The following PCM1 variants were observed in gnomAD, a reference collection of about 807,000 sequenced individuals.
The protein encoded by PCM1 is pericentriolar material 1, also known as pericentriolar material 1 protein.
A neutral mutation model predicts 241.9 loss-of-function variants in PCM1; 157 were observed. The observed-to-expected ratio is 0.65, with a 90% CI of 0.57 to 0.74. PCM1 has a LOEUF of 0.74. Among genes scored for constraint, PCM1 ranks in the 30% least tolerant of loss-of-function variants. PCM1 has a pLI of 0.00. For missense variants in PCM1, 3,478 were observed against 2,360.1 expected, an observed-to-expected ratio of 1.47 and a Z score of -9.81; for synonymous variants, 1,085 against 784.9, an observed-to-expected ratio of 1.38 and a Z score of -6.39.
At chr8:17,933,276 G>C (rs1405871700) in intron 2 of PCM1, among the ~76,000 whole-genome samples, 1 of 152,128 alleles carries the variant, frequency 6.6e-6, no homozygotes, top group African/African-American at 2.4e-5. Flanking sequence ...TTGTTCCTGA[G>C]CTAGTACTGA....
intron 28 of PCM1, among the ~76,000 whole-genome samples, chr8:17,992,933 TG>T (rs1374022547): frequency 5.5e-5 from 7 of 126,732 alleles, no homozygotes; most frequent in African/African-American, 1.9e-4. Flanking sequence ...CACTTTTTGA[TG>T]GTTTTTTTTT....
intron 18 of PCM1, 44 bp from the exon 19 acceptor site, chr8:17,965,955 A>G: frequency 2.7e-6 from 4 of 1,456,182 alleles, no homozygotes; most frequent in Non-Finnish European, 3.7e-6. Flanking sequence ...TTTAAAAACC[A>G]AATTATTATG....
At chr8:17,988,632 C>T (rs948527689) in intron 26 of PCM1, among the ~76,000 whole-genome samples, 1 of 151,842 alleles carries the variant, frequency 6.6e-6, no homozygotes, top group Non-Finnish European at 1.5e-5. Context: ...TGACAACTGT[C>T]TGATATATAG....
In PCM1 at chr8:17,938,823, C is replaced by A. The variant is rs760064216; in HGVS notation, c.426C>A (p.Asn142Lys). The A allele has an allele frequency of 6.2e-7, 1 of 1,613,504 alleles. No individual in the cohort carries two copies. The highest frequency in any genetic ancestry group is 8.5e-7 in the Non-Finnish European group (1 of 1,179,418). Residue 142 changes from asparagine to lysine, a missense_variant, in exon 5 of 39, where the codon AAC becomes AAA. Coordinates refer to ENST00000325083, the MANE Select transcript of PCM1 (RefSeq NM_006197.4). ...RQLSENRKPF[N>K]FLPMQINTNK... ...TTAGTGAAAACCGAAAGCCCTTCAA[C>A]TTTTTGCCTATGCAGATTAATACTA... is the stretch of plus-strand genomic sequence containing the variant.
intron 1 of PCM1, among the ~76,000 whole-genome samples, chr8:17,923,939 C>G (rs139424776): frequency 9.5e-4 from 144 of 152,000 alleles, no homozygotes; most frequent in African/African-American, 3.4e-3. Flanking sequence ...AGGCTGGGCG[C>G]GCCAACTTTG....
intron 6 of PCM1, among the ~76,000 whole-genome samples, chr8:17,946,579 C>T (rs573736509): frequency 2.3e-4 from 35 of 152,118 alleles, no homozygotes; most frequent in African/African-American, 7.7e-4. Flanking sequence ...TCACTGCAAT[C>T]TCTACCTCCT....
At chr8:17,940,129 G>C (rs2061589074) in intron 6 of PCM1, 1 of 1,563,512 alleles carries the variant, frequency 6.4e-7, no homozygotes, top group African/African-American at 1.3e-5. Flanking sequence ...GCTAAACATA[G>C]ATGTGCAGTC....
At chr8:18,021,867 G>A (rs907897187) in intron 36 of PCM1, among the ~76,000 whole-genome samples, 1 of 152,148 alleles carries the variant, frequency 6.6e-6, no homozygotes, top group African/African-American at 2.4e-5. Context: ...TGTATCACCT[G>A]TATTTGTTAG....
intron 32 of PCM1, 37 bp from the exon 33 acceptor site, chr8:18,011,200 T>G: frequency 1.3e-6 from 2 of 1,508,712 alleles, no homozygotes; most frequent in South Asian, 1.3e-5. Flanking sequence ...ACACATGTAC[T>G]TTAAGGAATT....
Position 17,972,344 on chromosome 8 carries a change from T to G in PCM1, c.3600T>G (p.Pro1200=), listed in dbSNP as rs369424436. Residue 1200 remains proline, a synonymous_variant, in exon 23 of 39, where the codon CCT becomes CCG. Coordinates refer to ENST00000325083, the MANE Select transcript of PCM1 (RefSeq NM_006197.4). ...CATTGGTAAGGAATAAAAAACTGCC[T>G]GAAGAGGAGGTGGAAAGCAGTAGGA... ...GAEKPRNKKL[P]EEEVESSRTP... The G allele has an allele frequency of 4.3e-5, 65 of 1,506,872 alleles. No individual in the cohort carries two copies. The highest frequency in any genetic ancestry group is 5.6e-5 in the Non-Finnish European group (63 of 1,128,384). 93.3% of individuals were successfully genotyped at this position (1,506,872 alleles called of 1,614,324 possible). A position where few individuals can be genotyped will look rare whatever the true frequency, so the allele number is the denominator to read the frequency against.
At position 17,986,013 on chromosome 8, in the gene PCM1, T is replaced by G. The variant is rs776344416; in HGVS notation, c.4336T>G (p.Ser1446Ala). 6 of 1,596,698 alleles carry G rather than the reference T, an allele frequency of 3.8e-6. No individual in the cohort carries two copies. The highest frequency in any genetic ancestry group is 5.1e-6 in the Non-Finnish European group (6 of 1,167,270). The change falls in exon 26 of 39, where the codon TCA becomes GCA. Residue 1446 changes from serine (S) to alanine (A), a missense_variant. Coordinates refer to ENST00000325083, the MANE Select transcript of PCM1 (RefSeq NM_006197.4). ...ESHEKGENVK[S>A]VNSGTWIASN... ...CCATGAAAAAGGAGAAAATGTAAAG[T>G]CAGTAAACTCTGGTACTTGGATAGC... is the stretch of plus-strand genomic sequence containing the variant.
intron 36 of PCM1, 105 bp from the exon 37 acceptor site, chr8:18,025,256 A>T (rs771162109): frequency 1.5e-6 from 1 of 666,268 alleles, no homozygotes. Context: ...AATGTAGAAG[A>T]AAACGAAATG....
chr8:17,965,650 G>T (rs1339295412), intron 18 of PCM1, among the ~76,000 whole-genome samples: 3 of 152,224 alleles, frequency 2.0e-5, no homozygotes, highest in African/African-American at 7.2e-5. Context: ...AGATGGTGAA[G>T]TAGATACAGT....
At position 17,937,308 on chromosome 8, in the gene PCM1, C is replaced by G; in HGVS notation, c.271C>G (p.Gln91Glu). The change falls in exon 4 of 39, where the codon CAG (glutamine) becomes GAG (glutamate). Residue 91 changes from glutamine to glutamate, a missense_variant. Physicochemically the swap from Gln to Glu is conservative, Grantham distance 29. Coordinates refer to ENST00000325083, the MANE Select transcript of PCM1 (RefSeq NM_006197.4). ...GTTCCCACACAGTAGATACATGAGT[C>G]AGATGTCTGTCCCAGAGCAGGCAGA... Reference protein sequence around the residue: ...HTFPHSRYMSQMSVPEQAELE... With the variant: ...HTFPHSRYMSEMSVPEQAELE... The G allele has an allele frequency of 6.2e-7, 1 of 1,608,526 alleles. No individual in the cohort carries two copies. The highest frequency in any genetic ancestry group is 8.5e-7 in the Non-Finnish European group (1 of 1,176,206).
intron 4 of PCM1, among the ~76,000 whole-genome samples, chr8:17,938,228 C>G (rs1338900265): frequency 1.3e-5 from 2 of 152,028 alleles, no homozygotes; most frequent in African/African-American, 2.4e-5. Context: ...AACACCTGAC[C>G]TTGTGTGATG....
At chr8:17,964,469 T>A (rs2074016620) in intron 17 of PCM1, 99 bp from the exon 18 acceptor site, 1 of 810,606 alleles carries the variant, frequency 1.2e-6, no homozygotes, top group East Asian at 2.7e-5. Context: ...TATACAGACA[T>A]GTATATGTAT....
chr8:17,989,642 T>A (rs1399588004), intron 26 of PCM1, among the ~76,000 whole-genome samples: 1 of 152,032 alleles, frequency 6.6e-6, no homozygotes, highest in Non-Finnish European at 1.5e-5. Context: ...TAATAAATAT[T>A]CTGCAAGGCT....
intron 9 of PCM1, among the ~76,000 whole-genome samples, chr8:17,954,088 C>G (rs768821847): frequency 2.6e-5 from 4 of 152,324 alleles, no homozygotes; most frequent in Non-Finnish European, 4.4e-5. Flanking sequence ...TCTTTCTCCT[C>G]TAGAGTATAA....
intron 1 of PCM1, among the ~76,000 whole-genome samples, chr8:17,923,807 C>A (rs562890683): frequency 6.6e-6 from 1 of 152,012 alleles, no homozygotes. Context: ...CTTCTTTCTC[C>A]CTTCCTACCT....
Sources: allele counts gnomAD v4.1 joint callset (sites outside exome capture counted in the v4.1 genomes callset), GRCh38; gene constraint gnomAD v4.1.1; transcripts MANE v1.5; gene names NCBI Gene and HGNC (gene_info 2026-07-23, HGNC 2026-07-21).